The following ARHGAP22 variants were observed in gnomAD, a reference collection of about 807,000 sequenced individuals.
The protein encoded by ARHGAP22 is rho GTPase-activating protein 22.
In ARHGAP22, 48 loss-of-function variants were observed where a neutral mutation model predicts 59.1. The ratio of observed to expected loss-of-function variants is 0.81; its 90% CI spans 0.64 to 1.03. The LOEUF (loss-of-function observed/expected upper bound fraction) is 1.03, where lower values mean the gene tolerates loss of function less well. Among genes scored for constraint, ARHGAP22 ranks in the 50% least tolerant of loss-of-function variants. The pLI is 0.00. For missense variants in ARHGAP22, 1,015 were observed against 958.7 expected (o/e 1.06, Z -0.78); for synonymous variants, 445 against 416.4 (o/e 1.07, Z -0.84).
chr10:48,567,801 GC>G (rs2058144944), intron 2 of ARHGAP22, among the ~76,000 whole-genome samples: 1 of 151,072 alleles, frequency 6.6e-6, no homozygotes, highest in African/African-American at 2.4e-5. Context: ...CCAACATCTG[GC>G]CCACCACAGA....
intron 2 of ARHGAP22, among the ~76,000 whole-genome samples, chr10:48,569,860 T>A (rs541484181): frequency 6.6e-6 from 1 of 152,234 alleles, no homozygotes; most frequent in Non-Finnish European, 1.5e-5. Flanking sequence ...TGAGGTGTCA[T>A]CAGGCCTCTT....
At chr10:48,517,740 G>A (rs2053430168) in intron 3 of ARHGAP22, among the ~76,000 whole-genome samples, 1 of 152,140 alleles carries the variant, frequency 6.6e-6, no homozygotes, top group African/African-American at 2.4e-5. Flanking sequence ...CAGGTAGGAG[G>A]GGGTGCCGGG....
intron 4 of ARHGAP22, among the ~76,000 whole-genome samples, chr10:48,460,251 C>A (rs1202142744): frequency 1.3e-5 from 2 of 152,204 alleles, no homozygotes; most frequent in Admixed American, 1.3e-4. Context: ...AGAAGCCATC[C>A]AGTGCCCATC....
downstream of ARHGAP22, among the ~76,000 whole-genome samples, chr10:48,442,545 C>T (rs868228110): frequency 6.6e-6 from 1 of 151,990 alleles, no homozygotes; most frequent in African/African-American, 2.4e-5. Context: ...CTGAAGCCCA[C>T]CCCCACCCAC....
chr10:48,451,133 G>A lies in ARHGAP22; in HGVS notation c.996C>T (p.Ser332=), dbSNP rs1227300771. The A allele has an allele frequency of 6.4e-7, 1 of 1,552,074 alleles. No individual in the cohort carries two copies. Among genetic ancestry groups the A allele is most frequent in the Non-Finnish European group, 8.7e-7 (1 of 1,147,704 alleles). The change falls in exon 9 of 10, where the codon TCC becomes TCT. Residue 332 remains serine, a synonymous_variant. Transcript: ENST00000249601. ...GGACGGTCATCAGGTGCTGGACGAG[G>A]GAAGTGCCTGCCGGGAAGAGAGGCG... ...EDPVTIMEGT[S]LVQHLMTVLI...
intron 1 of ARHGAP22, among the ~76,000 whole-genome samples, chr10:48,648,522 A>T (rs1488033990): frequency 6.6e-6 from 1 of 152,184 alleles, no homozygotes; most frequent in Non-Finnish European, 1.5e-5. Flanking sequence ...TCTTTAAGTC[A>T]CTATGATTAA....
intron 3 of ARHGAP22, among the ~76,000 whole-genome samples, chr10:48,485,067 G>A (rs529002842): frequency 5.3e-5 from 8 of 152,278 alleles, no homozygotes; most frequent in Admixed American, 2.6e-4. Context: ...ATATGTTAAC[G>A]AAGGGTCATG....
chr10:48,496,396 T>A lies in ARHGAP22; in HGVS notation c.323-16632A>T, dbSNP rs77555267. On this transcript the variant is annotated intron_variant, in intron 3 of 9. Coordinates refer to ENST00000249601, the MANE Select transcript of ARHGAP22 (RefSeq NM_021226.4). ...CATGTGCCACATACACGCAATCACATAGACTATGGCATTTTATCCTCTCCA... is the reference window on the plus strand; with the variant it reads ...CATGTGCCACATACACGCAATCACAAAGACTATGGCATTTTATCCTCTCCA... 2.2e-4 allele frequency among the ~76,000 whole-genome samples: 33 copies of A among 152,322 alleles called. No individual in the cohort carries two copies. In the East Asian group the frequency reaches 6.4e-3, roughly 29 times the overall value.
At chr10:48,653,036 A>G (rs1238840185), upstream of ARHGAP22, among the ~76,000 whole-genome samples, 1 of 152,268 alleles carries the variant, frequency 6.6e-6, no homozygotes, top group Admixed American at 6.5e-5. Flanking sequence ...CATCATTGAC[A>G]TAGTGGTCCT....
chr10:48,475,822 A>G (rs1184822049), intron 4 of ARHGAP22, among the ~76,000 whole-genome samples: 2 of 152,134 alleles, frequency 1.3e-5, no homozygotes, highest in South Asian at 2.1e-4. Flanking sequence ...CCACTTCTCT[A>G]TTCCATGCCA....
chr10:48,548,048 A>G (rs913997271), intron 3 of ARHGAP22, among the ~76,000 whole-genome samples: 4 of 152,158 alleles, frequency 2.6e-5, no homozygotes, highest in Non-Finnish European at 5.9e-5. Context: ...TCACCACCCC[A>G]GTGTAGTCAG....
chr10:48,654,305 T>C (rs2062671969), upstream of ARHGAP22, among the ~76,000 whole-genome samples: 1 of 152,212 alleles, frequency 6.6e-6, no homozygotes, highest in South Asian at 2.1e-4. Context: ...GAACTAATAC[T>C]CTTTCTTTCA....
intron 3 of ARHGAP22, among the ~76,000 whole-genome samples, chr10:48,549,900 C>T (rs747693791): frequency 1.3e-5 from 2 of 152,174 alleles, no homozygotes; most frequent in Non-Finnish European, 2.9e-5. Flanking sequence ...CCAGATGAGG[C>T]GGAGGCTCAC....
intron 2 of ARHGAP22, among the ~76,000 whole-genome samples, chr10:48,573,326 G>A (rs2058512916): frequency 6.6e-6 from 1 of 152,192 alleles, no homozygotes; most frequent in African/African-American, 2.4e-5. Flanking sequence ...CTTACAAGGA[G>A]GAAACTGAGG....
intron 3 of ARHGAP22, among the ~76,000 whole-genome samples, chr10:48,489,901 T>C (rs1331478418): frequency 6.6e-6 from 1 of 152,024 alleles, no homozygotes; most frequent in Non-Finnish European, 1.5e-5. Flanking sequence ...GCTCGGCTAA[T>C]TTTTTGTATT....
intron 2 of ARHGAP22, among the ~76,000 whole-genome samples, chr10:48,563,883 T>G (rs2075599296): frequency 6.6e-6 from 1 of 152,204 alleles, no homozygotes; most frequent in African/African-American, 2.4e-5. Context: ...CCAATATAAA[T>G]AAATAAAATA....
At chr10:48,509,227 C>G (rs1475575793) in intron 3 of ARHGAP22, among the ~76,000 whole-genome samples, 1 of 152,160 alleles carries the variant, frequency 6.6e-6, no homozygotes, top group Non-Finnish European at 1.5e-5. Flanking sequence ...AGCTGGCGAG[C>G]CTGGCGCAGG....
intron 8 of ARHGAP22, 99 bp downstream of exon 8, chr10:48,453,205 C>T: frequency 6.4e-7 from 1 of 1,554,892 alleles, no homozygotes. Context: ...CTCCTGCTGG[C>T]CTGGCCCTGG....
At chr10:48,581,686 T>C (rs2059130146) in intron 2 of ARHGAP22, among the ~76,000 whole-genome samples, 1 of 152,270 alleles carries the variant, frequency 6.6e-6, no homozygotes, top group African/African-American at 2.4e-5. Flanking sequence ...GTCTACTATT[T>C]GAACCACTTT....
Sources: allele counts gnomAD v4.1 joint callset (sites outside exome capture counted in the v4.1 genomes callset), GRCh38; gene constraint gnomAD v4.1.1; transcripts MANE v1.5; gene names NCBI Gene and HGNC (gene_info 2026-07-23, HGNC 2026-07-21).